Variants in IL1RAPL2 observed in about 807,000 individuals in gnomAD.
IL1RAPL2 encodes the protein interleukin 1 receptor accessory protein like 2.
Under a neutral mutation model 44.1 loss-of-function variants are expected in IL1RAPL2, and 3 were observed. The ratio of observed to expected loss-of-function variants is 0.07; its 90% confidence interval spans 0.03 to 0.18. The LOEUF (loss-of-function observed/expected upper bound fraction) is 0.18, where lower values mean the gene tolerates loss of function less well. Among genes scored for constraint, IL1RAPL2 ranks in the 10% least tolerant of loss-of-function variants. The probability of loss-of-function intolerance (pLI) is 1.00; values close to 1 mark genes in which losing one functional copy is unlikely to be tolerated. For missense variants in IL1RAPL2, 391 were observed against 496.4 expected (o/e 0.79, Z 2.02); for synonymous variants, 181 against 178.8 (o/e 1.01, Z -0.10).
At chrX:104,712,613 T>C (rs1233891679) in intron 2 of IL1RAPL2, among the ~76,000 whole-genome samples, 3 of 111,190 alleles carry the variant, frequency 2.7e-5, no homozygotes, top group Non-Finnish European at 5.7e-5. Flanking sequence ...ACAATATAGA[T>C]TTAACATTGT....
At chrX:104,645,611 C>G (rs933432106) in intron 1 of IL1RAPL2, among the ~76,000 whole-genome samples, 1 of 112,275 alleles carries the variant, frequency 8.9e-6, no homozygotes, top group Admixed American at 9.4e-5. Flanking sequence ...TCTTTCCTTT[C>G]AAAACACTCC....
intron 6 of IL1RAPL2, among the ~76,000 whole-genome samples, chrX:105,493,163 G>C (rs1017154668): frequency 5.4e-5 from 6 of 111,994 alleles, no homozygotes; most frequent in African/African-American, 1.9e-4. Context: ...TTATTCATTA[G>C]TTAGTTGACT....
intron 2 of IL1RAPL2, among the ~76,000 whole-genome samples, chrX:105,036,002 A>C (rs2031622183): frequency 8.9e-6 from 1 of 111,832 alleles, no homozygotes; most frequent in African/African-American, 3.3e-5. Context: ...AGTATCTCCC[A>C]TAGTCTACAT....
Position 104,676,966 on chromosome X carries a change from C to T in IL1RAPL2, c.82+17971C>T, listed in dbSNP as rs191588239. The stretch of plus-strand genomic sequence containing the variant: ...TCAGCTCCATCAGCTCCTTTAAGCA[C>T]TTCTCTGTATTGGTTATTCTAGTTA... On this transcript the variant is annotated intron_variant, in intron 2 of 10. Coordinates refer to ENST00000372582, the MANE Select transcript of IL1RAPL2 (RefSeq NM_017416.2). Among the ~76,000 whole-genome samples the T allele has an allele frequency of 1.7e-3, 193 of 111,753 alleles. 3 individuals carry two copies. In the East Asian group the frequency reaches 0.035, roughly 20 times the overall value.
At chrX:105,450,877 A>G (rs1164351060) in intron 5 of IL1RAPL2, among the ~76,000 whole-genome samples, 1 of 108,650 alleles carries the variant, frequency 9.2e-6, no homozygotes, top group Non-Finnish European at 1.9e-5. Context: ...AGATGTAAAT[A>G]ACGAAGACCA....
intron 2 of IL1RAPL2, among the ~76,000 whole-genome samples, chrX:105,123,309 G>T (rs1000604594): frequency 9.0e-6 from 1 of 111,027 alleles, no homozygotes; most frequent in Non-Finnish European, 1.9e-5. Context: ...AAATATATAA[G>T]AATTTATTTT....
At position 105,493,910 on chromosome X, in the gene IL1RAPL2, A is replaced by G. The variant is rs767428138; in HGVS notation, c.772+9523A>G. On this transcript the variant is annotated intron_variant, in intron 6 of 10. Transcript: ENST00000372582. ...AGCCACAACTCCTTTTTAAATACCA[A>G]ACTAATTTGTAAGCAGTACATATGC... 4.1e-4 allele frequency among the ~76,000 whole-genome samples: 46 copies of G among 111,842 alleles called. 1 individual carries two copies. Among genetic ancestry groups the G allele is most frequent in the Non-Finnish European group, 8.1e-4 (43 of 53,136 alleles).
intron 6 of IL1RAPL2, among the ~76,000 whole-genome samples, chrX:105,559,621 G>A (rs1465273845): frequency 1.8e-5 from 2 of 111,577 alleles, no homozygotes; most frequent in Non-Finnish European, 3.8e-5. Context: ...ATCTACTTTG[G>A]GCCTTTGCTG....
At position 104,726,725 on chromosome X, in the gene IL1RAPL2, T is replaced by A. The variant is rs770756898; in HGVS notation, c.82+67730T>A. Among the ~76,000 whole-genome samples the A allele has an allele frequency of 1.3e-4, 15 of 111,370 alleles. No homozygotes were observed. In the South Asian group the frequency reaches 5.2e-3, roughly 39 times the overall value. ...AGGAATGCTTATGATTTTTGCACAT[T>A]GATTTTGTATCCTGAGACTTTGCTG... On this transcript the variant is annotated intron_variant, in intron 2 of 10. Coordinates refer to ENST00000372582, the MANE Select transcript of IL1RAPL2 (RefSeq NM_017416.2).
At chrX:105,300,636 G>A (rs2034689685) in intron 5 of IL1RAPL2, among the ~76,000 whole-genome samples, 1 of 111,123 alleles carries the variant, frequency 9.0e-6, no homozygotes, top group South Asian at 3.9e-4. Flanking sequence ...ATCATTAAGA[G>A]GGTTTGTGAC....
chrX:104,866,515 CATTT>C (rs1366389375), intron 2 of IL1RAPL2, among the ~76,000 whole-genome samples: 1 of 111,796 alleles, frequency 8.9e-6, no homozygotes, highest in East Asian at 2.8e-4. Context: ...TATTTATGCT[CATTT>C]ATTCAAGTAT....
At chrX:105,646,746 T>G (rs907076594) in intron 6 of IL1RAPL2, among the ~76,000 whole-genome samples, 3 of 112,294 alleles carry the variant, frequency 2.7e-5, no homozygotes, top group African/African-American at 9.7e-5. Flanking sequence ...CTCAGTTCTC[T>G]TACTGTGAGG....
intron 5 of IL1RAPL2, among the ~76,000 whole-genome samples, chrX:105,409,583 G>A (rs2035677407): frequency 9.0e-6 from 1 of 111,187 alleles, no homozygotes; most frequent in Non-Finnish European, 1.9e-5. Flanking sequence ...GAATGGACCA[G>A]GTAGTAAGGG....
chrX:104,692,423 C>A (rs1356391982), intron 2 of IL1RAPL2, among the ~76,000 whole-genome samples: 1 of 109,491 alleles, frequency 9.1e-6, no homozygotes, highest in Non-Finnish European at 1.9e-5. Flanking sequence ...CATATGTATA[C>A]ATGTGCCATG....
At chrX:105,178,637 C>T (rs2033499084) in intron 2 of IL1RAPL2, among the ~76,000 whole-genome samples, 1 of 111,868 alleles carries the variant, frequency 8.9e-6, no homozygotes, top group African/African-American at 3.2e-5. Flanking sequence ...TTCCTTTTCT[C>T]TGCATCCTTG....
At chrX:105,472,938 CA>C (rs1329735391) in intron 5 of IL1RAPL2, among the ~76,000 whole-genome samples, 2 of 111,626 alleles carry the variant, frequency 1.8e-5, no homozygotes, top group Non-Finnish European at 3.8e-5. Flanking sequence ...GCTTTAAAGC[CA>C]AACAGACATA....
intron 5 of IL1RAPL2, among the ~76,000 whole-genome samples, chrX:105,421,306 A>C (rs186715224): frequency 9.0e-6 from 1 of 111,344 alleles, no homozygotes; most frequent in Non-Finnish European, 1.9e-5. Context: ...TCAGATATGC[A>C]TTTGTCTCAG....
chrX:105,525,216 C>T (rs2036587638), intron 6 of IL1RAPL2, among the ~76,000 whole-genome samples: 1 of 111,146 alleles, frequency 9.0e-6, no homozygotes, highest in African/African-American at 3.3e-5. Context: ...GTCAACCAAA[C>T]AAATGATACA....
intron 10 of IL1RAPL2, among the ~76,000 whole-genome samples, chrX:105,757,501 C>T (rs2038649192): frequency 8.9e-6 from 1 of 111,780 alleles, no homozygotes; most frequent in African/African-American, 3.3e-5. Context: ...GACTTGAGCT[C>T]ATTAGATGCT....
Sources: allele counts gnomAD v4.1 joint callset (sites outside exome capture counted in the v4.1 genomes callset), GRCh38; gene constraint gnomAD v4.1.1; transcripts MANE v1.5; gene names NCBI Gene and HGNC (gene_info 2026-07-23, HGNC 2026-07-21).